TMEM128: variants seen among roughly 807,000 people sequenced by gnomAD.
TMEM128 encodes the protein transmembrane protein 128.
In TMEM128, 16 loss-of-function variants were observed where a neutral mutation model predicts 19.7. That is an observed-to-expected ratio of 0.81 (90% confidence interval 0.55 to 1.23). TMEM128 has a LOEUF of 1.23. Among genes scored for constraint, TMEM128 ranks in the 50% most tolerant of loss-of-function variants. The pLI, the probability that TMEM128 is intolerant of heterozygous loss-of-function variation, is 0.00. For synonymous variants in TMEM128, 98 were observed against 75.8 expected, an observed-to-expected ratio of 1.29 and a Z score of -1.52; for missense variants, 237 against 200.8, an observed-to-expected ratio of 1.18 and a Z score of -1.09.
chr4:4,245,320 C>T (rs1434643009), intron 2 of TMEM128, among the ~76,000 whole-genome samples: 1 of 152,184 alleles, frequency 6.6e-6, no homozygotes, highest in African/African-American at 2.4e-5. Context: ...GAATGAGGAA[C>T]TACTGGACAT....
intron 1 of TMEM128, among the ~76,000 whole-genome samples, chr4:4,246,834 G>A (rs542955774): frequency 1.3e-5 from 2 of 151,756 alleles, no homozygotes; most frequent in East Asian, 1.9e-4. Flanking sequence ...TGCAACCACC[G>A]CCTCCCGGGT....
chr4:4,244,703 C>T (rs1718096829), intron 2 of TMEM128, among the ~76,000 whole-genome samples: 1 of 152,100 alleles, frequency 6.6e-6, no homozygotes, highest in Admixed American at 6.5e-5. Flanking sequence ...AACCTAGAGA[C>T]CTTTTCCTGT....
intron 4 of TMEM128, chr4:4,236,987 T>A: frequency 4.7e-6 from 2 of 424,366 alleles, no homozygotes; most frequent in Admixed American, 5.5e-5. Context: ...GAGTGAGTAT[T>A]CTCAATATAC....
intron 1 of TMEM128, chr4:4,247,812 A>G: frequency 4.2e-6 from 6 of 1,427,720 alleles, no homozygotes; most frequent in Non-Finnish European, 4.6e-6. Context: ...ATCATTGTAC[A>G]CTGCGGTACA....
intron 2 of TMEM128, among the ~76,000 whole-genome samples, chr4:4,244,848 G>A (rs543510138): frequency 2.6e-5 from 4 of 152,124 alleles, no homozygotes; most frequent in East Asian, 1.9e-4. Context: ...AATCAGTCAC[G>A]CCACCTCCCA....
intron 4 of TMEM128, chr4:4,236,992 A>G: frequency 2.3e-6 from 1 of 441,040 alleles, no homozygotes. Flanking sequence ...AGTATTCTCA[A>G]TATACACTTA....
chr4:4,248,198 T>A lies in TMEM128; in HGVS notation c.5A>T (p.Asp2Val), dbSNP rs1196450695. The A allele has an allele frequency of 6.6e-7, 1 of 1,521,198 alleles. No homozygotes were observed. The highest frequency in any genetic ancestry group is 8.8e-7 in the Non-Finnish European group (1 of 1,134,812). The allele number at this position is 1,521,198 out of a possible 1,614,324, so 94.2% of individuals were successfully genotyped here. The change falls in exon 1 of 5, where the codon GAC becomes GTC. Residue 2 changes from aspartate to valine, a missense_variant. Transcript: ENST00000382753. ...GAGCTGCTGCCGGGCCCGCGAGGAG[T>A]CCATCTTGGTACCGCCCCGAAATGC... M[D>V]SSRARQQLRR...
intron 2 of TMEM128, among the ~76,000 whole-genome samples, chr4:4,241,274 A>C (rs566022498): frequency 6.6e-6 from 1 of 152,272 alleles, no homozygotes; most frequent in South Asian, 2.1e-4. Flanking sequence ...TTCTCTCATA[A>C]AAGATTTCTA....
At chr4:4,237,156 C>A (rs1717753175) in intron 4 of TMEM128, 1 of 434,028 alleles carries the variant, frequency 2.3e-6, no homozygotes, top group Non-Finnish European at 4.6e-6. Flanking sequence ...ATGAGGAAGT[C>A]AGAATAATTA....
At chr4:4,245,668 T>A (rs563884550) in intron 2 of TMEM128, among the ~76,000 whole-genome samples, 2 of 152,276 alleles carry the variant, frequency 1.3e-5, no homozygotes, top group East Asian at 1.9e-4. Context: ...CACCCTCTCA[T>A]TGGTTTTATT....
intron 2 of TMEM128, among the ~76,000 whole-genome samples, chr4:4,245,935 C>G (rs1718151723): frequency 6.6e-6 from 1 of 152,126 alleles, no homozygotes; most frequent in Non-Finnish European, 1.5e-5. Flanking sequence ...AAGACCTACT[C>G]TTAGAAAATT....
chr4:4,243,164 C>T (rs1489071329), intron 2 of TMEM128, among the ~76,000 whole-genome samples: 1 of 152,176 alleles, frequency 6.6e-6, no homozygotes. Flanking sequence ...ACTGCAATCT[C>T]CACCTGCTGG....
intron 4 of TMEM128, among the ~76,000 whole-genome samples, chr4:4,237,603 C>T (rs962551183): frequency 1.3e-5 from 2 of 152,164 alleles, no homozygotes; most frequent in Non-Finnish European, 2.9e-5. Flanking sequence ...GTGATCATGC[C>T]ACCGTACTCC....
At chr4:4,236,973 T>C (rs1717746435) in intron 4 of TMEM128, 3 of 402,136 alleles carry the variant, frequency 7.5e-6, no homozygotes, top group Non-Finnish European at 1.5e-5. Context: ...CCCCTAAGCA[T>C]CTGGAGTGAG....
At chr4:4,243,963 C>G (rs925473298) in intron 2 of TMEM128, among the ~76,000 whole-genome samples, 1 of 152,238 alleles carries the variant, frequency 6.6e-6, no homozygotes, top group South Asian at 2.1e-4. Context: ...CTGACCTGGA[C>G]TAGATATCCC....
Position 4,235,897 on chromosome 4 carries a change from C to T in TMEM128, c.*369G>A, listed in dbSNP as rs573699078. The T allele has an allele frequency of 2.2e-4, 33 of 152,676 alleles. No individual in the cohort carries two copies. The highest frequency in any genetic ancestry group is 7.7e-4 in the African/African-American group (32 of 41,564). The allele number at this position is 152,676 out of a possible 1,614,324, so 9.5% of individuals were successfully genotyped here. A position where few individuals can be genotyped will look rare whatever the true frequency, so the allele number is the denominator to read the frequency against. On this transcript the variant is annotated 3_prime_UTR_variant, in exon 5 of 5. Transcript: ENST00000382753. ...ACAATGAAACCACTTTCTCCAAAGA[C>T]TCAAACAGATTAACATTGCAAAATA...
intron 3 of TMEM128, 30 bp from the exon 4 acceptor site, chr4:4,237,965 A>G (rs1314646910): frequency 7.2e-7 from 1 of 1,384,958 alleles, no homozygotes; most frequent in Admixed American, 2.2e-5. Flanking sequence ...AACAGTTGAC[A>G]ACTCCAATAT....
rs781125457 is a variant in TMEM128 at position 4,240,489 on chromosome 4, T to C, written c.240-10A>G. ...GCCACAGAGAAACCAGCTGTGGAGA[T>C]AAAAACAGTAAGAGGTCTGACAGCA... On this transcript the variant is annotated splice_polypyrimidine_tract_variant and intron_variant, in intron 2 of 4. Transcript: ENST00000382753. The C allele has an allele frequency of 4.3e-6, 7 of 1,609,940 alleles. No individual in the cohort carries two copies. Among genetic ancestry groups the C allele is most frequent in the South Asian group, 2.2e-5 (2 of 90,642 alleles).
At chr4:4,242,827 T>A (rs1005788919) in intron 2 of TMEM128, among the ~76,000 whole-genome samples, 18 of 151,878 alleles carry the variant, frequency 1.2e-4, no homozygotes, top group African/African-American at 3.9e-4. Context: ...CCTAAGAAAA[T>A]TTTTTAAACT....
Sources: gnomAD v4.1 joint callset for allele counts (sites outside exome capture counted in the v4.1 genomes callset) on GRCh38, gnomAD v4.1.1 for gene constraint, MANE v1.5 for transcripts, NCBI Gene and HGNC (gene_info 2026-07-23, HGNC 2026-07-21) for gene names.